Variants in ADCY2 observed in about 807,000 individuals in gnomAD.
The protein encoded by ADCY2 is adenylate cyclase type 2.
ADCY2 carries 31 observed loss-of-function variants against 125.2 expected under a neutral mutation model. The observed-to-expected ratio is 0.25, with a 90% CI of 0.19 to 0.33. The LOEUF is 0.33. Ranked by LOEUF, ADCY2 falls within the 10% of genes least tolerant of loss-of-function variation. The pLI is 1.00. For missense variants in ADCY2, 904 were observed against 1,418.2 expected, an observed-to-expected ratio of 0.64 and a Z score of 5.82; for synonymous variants, 512 against 548.4, an observed-to-expected ratio of 0.93 and a Z score of 0.93.
intron 24 of ADCY2, among the ~76,000 whole-genome samples, chr5:7,826,231 C>T (rs1359329492): frequency 1.3e-5 from 2 of 152,106 alleles, no homozygotes; most frequent in African/African-American, 2.4e-5. Flanking sequence ...TTCCTCCCAT[C>T]GACACTGACA....
At chr5:7,805,375 A>G (rs770715980) in intron 22 of ADCY2, among the ~76,000 whole-genome samples, 4 of 152,110 alleles carry the variant, frequency 2.6e-5, no homozygotes, top group South Asian at 2.1e-4. Context: ...CCACATGGAA[A>G]TTTCATTGAA....
At chr5:7,677,564 G>C (rs777003190) in intron 4 of ADCY2, among the ~76,000 whole-genome samples, 1 of 152,206 alleles carries the variant, frequency 6.6e-6, no homozygotes, top group Non-Finnish European at 1.5e-5. Context: ...AGGGAAGCCA[G>C]TCCAACCTGG....
In ADCY2 at chr5:7,666,051, G is replaced by A. The variant is rs538888984; in HGVS notation, c.721-24640G>A. ...GACAGGGTTTCACCATGTTAGCCAG[G>A]ATGGTCTCGATCTCCTGACCTCGTG... On this transcript the variant is annotated intron_variant, in intron 4 of 24. Coordinates refer to ENST00000338316, the MANE Select transcript of ADCY2 (RefSeq NM_020546.3). 4.6e-5 allele frequency among the ~76,000 whole-genome samples: 7 copies of A among 151,140 alleles called. No homozygotes were observed. In the South Asian group the frequency reaches 8.4e-4, roughly 18 times the overall value.
chr5:7,710,258 C>T (rs570646556), intron 10 of ADCY2, among the ~76,000 whole-genome samples: 1 of 152,266 alleles, frequency 6.6e-6, no homozygotes, highest in Non-Finnish European at 1.5e-5. Context: ...TATTTCTTCT[C>T]CCAACTTCTC....
chr5:7,559,719 G>C (rs1735647418), intron 3 of ADCY2, among the ~76,000 whole-genome samples: 1 of 152,202 alleles, frequency 6.6e-6, no homozygotes, highest in South Asian at 2.1e-4. Flanking sequence ...ATGTTGAATA[G>C]AAGTGGTGAG....
At chr5:7,620,511 C>A (rs1422391985) in intron 3 of ADCY2, among the ~76,000 whole-genome samples, 2 of 152,190 alleles carry the variant, frequency 1.3e-5, no homozygotes, top group African/African-American at 4.8e-5. Context: ...TCCTGATTGT[C>A]ACTAAATGAC....
At position 7,802,981 on chromosome 5, in the gene ADCY2, A is replaced by G. The variant is rs993144399; in HGVS notation, c.2775+617A>G. Among the ~76,000 whole-genome samples the G allele has an allele frequency of 2.0e-4, 30 of 152,222 alleles. 1 individual carries two copies. The highest frequency in any genetic ancestry group is 7.0e-4 in the African/African-American group (29 of 41,454). On this transcript the variant is annotated intron_variant, in intron 21 of 24. Coordinates refer to ENST00000338316, the MANE Select transcript of ADCY2 (RefSeq NM_020546.3). This position sits in a 1 kb window ranked among gnomAD's most constrained non-coding sequence, Gnocchi z 4.6. ...TTCTTATCACTATCTTGCAAAATAG[A>G]AGAAAATTGACATCTGTCCAGGAGC...
chr5:7,593,416 G>A (rs547426171), intron 3 of ADCY2, among the ~76,000 whole-genome samples: 13 of 152,282 alleles, frequency 8.5e-5, no homozygotes, highest in African/African-American at 2.2e-4. Context: ...AAGGCCGTTC[G>A]CATGCAAACA....
intron 2 of ADCY2, among the ~76,000 whole-genome samples, chr5:7,437,166 G>C (rs1247825192): frequency 6.6e-6 from 1 of 152,170 alleles, no homozygotes; most frequent in Non-Finnish European, 1.5e-5. Context: ...ACAAAGTGCT[G>C]GTGTTCAACA....
At chr5:7,508,093 C>CA (rs1743911391) in intron 2 of ADCY2, among the ~76,000 whole-genome samples, 1 of 152,102 alleles carries the variant, frequency 6.6e-6, no homozygotes, top group East Asian at 1.9e-4. Context: ...TCATACAATT[C>CA]AAAGAGCTTG....
intron 4 of ADCY2, among the ~76,000 whole-genome samples, chr5:7,677,952 C>T (rs1379299454): frequency 6.6e-6 from 1 of 152,150 alleles, no homozygotes; most frequent in African/African-American, 2.4e-5. Flanking sequence ...TAATATTTTA[C>T]CAGACTCAGC....
intron 12 of ADCY2, among the ~76,000 whole-genome samples, chr5:7,720,539 C>T (rs959115768): frequency 6.6e-6 from 1 of 151,408 alleles, no homozygotes; most frequent in Non-Finnish European, 1.5e-5. Flanking sequence ...TAATGCTATC[C>T]TCCCCTCTCC....
At chr5:7,623,865 C>T (rs1450490897) in intron 3 of ADCY2, among the ~76,000 whole-genome samples, 2 of 152,166 alleles carry the variant, frequency 1.3e-5, no homozygotes, top group African/African-American at 4.8e-5. Flanking sequence ...GTATGCACAC[C>T]ACATGCATAT....
chr5:7,540,899 T>C (rs950685711), intron 3 of ADCY2, among the ~76,000 whole-genome samples: 3 of 152,204 alleles, frequency 2.0e-5, no homozygotes, highest in African/African-American at 7.2e-5. Flanking sequence ...GAAAAGGCAC[T>C]CGAGGACTTC....
intron 2 of ADCY2, among the ~76,000 whole-genome samples, chr5:7,484,658 CCT>C (rs759208012): frequency 6.6e-6 from 1 of 152,154 alleles, no homozygotes; most frequent in African/African-American, 2.4e-5. Context: ...ACACTTCTAT[CCT>C]CTTTCTTTCT....
At chr5:7,722,826 G>A (rs1387668094) in intron 12 of ADCY2, among the ~76,000 whole-genome samples, 1 of 151,894 alleles carries the variant, frequency 6.6e-6, no homozygotes, top group Non-Finnish European at 1.5e-5. Flanking sequence ...CGGGCATGCT[G>A]GTGTGCACCT....
intron 3 of ADCY2, among the ~76,000 whole-genome samples, chr5:7,598,573 A>T (rs746881990): frequency 6.6e-6 from 1 of 152,172 alleles, no homozygotes; most frequent in Admixed American, 6.5e-5. Flanking sequence ...TTCATTATAC[A>T]TAGGGTAGTT....
chr5:7,707,760 G>A lies in ADCY2; in HGVS notation c.1323G>A (p.Val441=). ...TLEHLNGAYK[V]EEGDGDIRDP... is the part of the protein sequence containing the mutation. ...AGCACTTGAATGGCGCTTATAAAGT[G>A]GAGGAGGGAGATGGTGACATTAGGG... is the stretch of plus-strand genomic sequence containing the variant. Residue 441 remains valine (V), a synonymous_variant, in exon 9 of 25, where the codon GTG becomes GTA. Coordinates refer to ENST00000338316, the MANE Select transcript of ADCY2 (RefSeq NM_020546.3). 6.2e-7 allele frequency: 1 copy of A among 1,614,124 alleles called. No individual in the cohort carries two copies. The highest frequency in any genetic ancestry group is 8.5e-7 in the Non-Finnish European group (1 of 1,179,998).
intron 22 of ADCY2, among the ~76,000 whole-genome samples, chr5:7,807,113 A>G (rs1744781142): frequency 1.3e-5 from 2 of 152,032 alleles, no homozygotes; most frequent in Non-Finnish European, 2.9e-5. Flanking sequence ...GGAGTGGGAG[A>G]TCTTCCGAGG....
Sources: gnomAD v4.1 joint callset for allele counts (sites outside exome capture counted in the v4.1 genomes callset) on GRCh38, gnomAD v4.1.1 for gene constraint, Gnocchi (gnomAD v3.1) non-coding constraint, MANE v1.5 for transcripts, NCBI Gene and HGNC (gene_info 2026-07-23, HGNC 2026-07-21) for gene names.